The following AKAP13 variants were observed in gnomAD, a reference collection of about 807,000 sequenced individuals.
The protein encoded by AKAP13 is A-kinase anchoring protein 13, also known as A-kinase anchor protein 13.
A neutral mutation model predicts 264.5 loss-of-function variants in AKAP13; 80 were observed. That is an observed-to-expected ratio of 0.30 (90% CI 0.25 to 0.36). The LOEUF (loss-of-function observed/expected upper bound fraction) is 0.36, where lower values mean the gene tolerates loss of function less well. Among genes scored for constraint, AKAP13 ranks in the 10% least tolerant of loss-of-function variants. The pLI, the probability that AKAP13 is intolerant of heterozygous loss-of-function variation, is 1.00. For missense variants in AKAP13, 3,712 were observed against 3,435.2 expected, an observed-to-expected ratio of 1.08 and a Z score of -2.01; for synonymous variants, 1,380 against 1,250.2, an observed-to-expected ratio of 1.10 and a Z score of -2.19.
At chr15:85,647,202 C>G (rs2082598511) in intron 10 of AKAP13, among the ~76,000 whole-genome samples, 1 of 152,062 alleles carries the variant, frequency 6.6e-6, no homozygotes, top group Admixed American at 6.5e-5. Flanking sequence ...AGTTCGAGAC[C>G]AGCCTGGAAA....
intron 9 of AKAP13, among the ~76,000 whole-genome samples, chr15:85,644,452 G>A (rs2082453995): frequency 6.6e-6 from 1 of 151,068 alleles, no homozygotes; most frequent in Non-Finnish European, 1.5e-5. Flanking sequence ...ATGTTGACCA[G>A]GCTGTTCTCG....
At chr15:85,477,636 GGAAAA>G (rs1254614359) in intron 1 of AKAP13, among the ~76,000 whole-genome samples, 35 of 34,308 alleles carry the variant, frequency 1.0e-3, no homozygotes, top group Non-Finnish European at 1.8e-3. Flanking sequence ...CTTAAAAAAA[GGAAAA>G]AAAAAAAAAA....
rs978497477 is a variant in AKAP13 at position 85,631,877 on chromosome 15, A to G, written c.4162-7497A>G. Among the ~76,000 whole-genome samples the G allele has an allele frequency of 5.0e-4, 76 of 152,178 alleles. 1 individual carries two copies. Among genetic ancestry groups the G allele is most frequent in the Non-Finnish European group, 1.2e-4 (8 of 68,030 alleles). On this transcript the variant is annotated intron_variant, in intron 8 of 36. Transcript: ENST00000394518. ...AAGATAAATTTTTTAAAAATAAAAGAAATATATAACCATTGAAGAAAATTT... is the reference window on the plus strand; with the variant it reads ...AAGATAAATTTTTTAAAAATAAAAGGAATATATAACCATTGAAGAAAATTT...
At chr15:85,654,273 G>T (rs966752447) in intron 10 of AKAP13, among the ~76,000 whole-genome samples, 1 of 152,156 alleles carries the variant, frequency 6.6e-6, no homozygotes, top group Non-Finnish European at 1.5e-5. Flanking sequence ...TTTAGGTGGG[G>T]TCATAAGCTA....
intron 1 of AKAP13, among the ~76,000 whole-genome samples, chr15:85,407,133 A>G (rs1189216140): frequency 6.6e-6 from 1 of 151,720 alleles, no homozygotes; most frequent in Non-Finnish European, 1.5e-5. Context: ...GAGATATGGA[A>G]ATTTGTTGTG....
intron 8 of AKAP13, chr15:85,627,454 A>T (rs1215809696): frequency 6.6e-6 from 1 of 152,178 alleles, no homozygotes; most frequent in Non-Finnish European, 1.5e-5. Flanking sequence ...GGCTCATCCT[A>T]ATTGGCTTTT....
At chr15:85,407,517 G>C (rs887133866) in intron 1 of AKAP13, among the ~76,000 whole-genome samples, 2 of 151,668 alleles carry the variant, frequency 1.3e-5, no homozygotes, top group African/African-American at 4.9e-5. Context: ...TGGGATTATA[G>C]GCATGAGCCA....
At chr15:85,501,833 G>A (rs1478536311) in intron 2 of AKAP13, among the ~76,000 whole-genome samples, 1 of 152,210 alleles carries the variant, frequency 6.6e-6, no homozygotes, top group African/African-American at 2.4e-5. Context: ...CCTGCATGGT[G>A]TAGGGAAGAA....
chr15:85,499,490 G>A (rs2075981701), intron 2 of AKAP13, among the ~76,000 whole-genome samples: 1 of 152,146 alleles, frequency 6.6e-6, no homozygotes, highest in Non-Finnish European at 1.5e-5. Flanking sequence ...ATAAATGAAA[G>A]CAGTATTCTG....
At chr15:85,469,664 A>G (rs1206370440) in intron 1 of AKAP13, among the ~76,000 whole-genome samples, 1 of 152,348 alleles carries the variant, frequency 6.6e-6, no homozygotes, top group Admixed American at 6.5e-5. Flanking sequence ...TCATCTGTTA[A>G]TAAGTGTGCA....
chr15:85,439,248 T>C (rs1389003683), intron 1 of AKAP13, among the ~76,000 whole-genome samples: 1 of 147,112 alleles, frequency 6.8e-6, no homozygotes, highest in Non-Finnish European at 1.5e-5. Flanking sequence ...ATCAGAGAAA[T>C]GCAAATCAAA....
At chr15:85,588,059 A>C (rs2079433434) in intron 8 of AKAP13, among the ~76,000 whole-genome samples, 1 of 152,176 alleles carries the variant, frequency 6.6e-6, no homozygotes, top group Non-Finnish European at 1.5e-5. Flanking sequence ...TAGTGAACTT[A>C]CTCATGCTGC....
chr15:85,673,666 CTTTTTTTTTTTTTTTT>C (rs386383664), intron 14 of AKAP13, among the ~76,000 whole-genome samples: 3 of 77,542 alleles, frequency 3.9e-5, no homozygotes, highest in Non-Finnish European at 6.5e-5. Flanking sequence ...TTCTTTCTTT[CTTTTTTTTTTTTTTTT>C]TTTTTTTTTT....
At chr15:85,486,369 T>A (rs2075545602) in intron 2 of AKAP13, among the ~76,000 whole-genome samples, 1 of 152,138 alleles carries the variant, frequency 6.6e-6, no homozygotes, top group African/African-American at 2.4e-5. Flanking sequence ...CATCTAGGAA[T>A]TGTATAGGTT....
chr15:85,665,998 G>C lies in AKAP13; in HGVS notation c.4992+1243G>C, dbSNP rs1296220585. ...CCATAATAAACATACATGTGCATGT[G>C]TCTTTATAGTAGCTTGATTTATAAT... is the stretch of plus-strand genomic sequence containing the variant. On this transcript the variant is annotated intron_variant, in intron 13 of 36. Coordinates refer to ENST00000394518, the MANE Select transcript of AKAP13 (RefSeq NM_007200.5). Among the ~76,000 whole-genome samples, 4 of 152,186 alleles carry C rather than the reference G, an allele frequency of 2.6e-5. 1 individual carries two copies. Among genetic ancestry groups the C allele is most frequent in the Admixed American group, 2.6e-4 (4 of 15,280 alleles).
rs368619272 is a variant in AKAP13 at position 85,526,993 on chromosome 15, C to T, written c.181+5418C>T. On this transcript the variant is annotated intron_variant, in intron 3 of 36. Coordinates refer to ENST00000394518, the MANE Select transcript of AKAP13 (RefSeq NM_007200.5). ...TTTTTGAGAGGGTGTCTCGCTCTGT[C>T]GCCCAGGCTGGAGTGCAGTGGCGCG... Among the ~76,000 whole-genome samples, 19 of 147,584 alleles carry T rather than the reference C, an allele frequency of 1.3e-4. No homozygotes were observed. In the East Asian group the frequency reaches 2.2e-3, roughly 17 times the overall value.
rs1190740038 is a variant in AKAP13, at chr15:85,655,490, G to A, written c.4448G>A (p.Arg1483Gln). 9 of 1,614,030 alleles carry A rather than the reference G, an allele frequency of 5.6e-6. No individual in the cohort carries two copies. Among genetic ancestry groups the A allele is most frequent in the Admixed American group, 3.3e-5 (2 of 59,996 alleles). ...SSTDDTASLD[R>Q]HSSHGSDVSL... is the part of the protein sequence containing the mutation. ...ACCGATGACACGGCTTCACTGGACC[G>A]ACATTCTTCTCATGGCAGTGATGTG... Residue 1483 changes from arginine to glutamine, a missense_variant, in exon 11 of 37, where the codon CGA (arginine) becomes CAA (glutamine). Arg to Gln is a conservative substitution (Grantham distance 43). Around this residue, in one of 3 missense-constraint regions of AKAP13, gnomAD observed 2,759 missense variants for 2,411.7 expected, o/e 1.14. Transcript: ENST00000394518.
chr15:85,532,493 A>T (rs2077273115), intron 3 of AKAP13, among the ~76,000 whole-genome samples: 1 of 152,216 alleles, frequency 6.6e-6, no homozygotes, highest in Admixed American at 6.5e-5. Context: ...GCCCATGATT[A>T]ATCAGGCAGA....
At chr15:85,520,171 TA>T (rs34250715) in intron 2 of AKAP13, among the ~76,000 whole-genome samples, 108 of 150,288 alleles carry the variant, frequency 7.2e-4, no homozygotes, top group African/African-American at 2.2e-3. Flanking sequence ...GGCCTTGATT[TA>T]AAAAAAAAAT....
Sources: allele counts gnomAD v4.1 joint callset (sites outside exome capture counted in the v4.1 genomes callset), GRCh38; gene constraint gnomAD v4.1.1; regional missense constraint gnomAD v4.1.1; transcripts MANE v1.5; gene names NCBI Gene and HGNC (gene_info 2026-07-23, HGNC 2026-07-21).